Variants in EEF1E1 observed in about 807,000 individuals in gnomAD.
EEF1E1 encodes eukaryotic translation elongation factor 1 epsilon 1.
A neutral mutation model predicts 19.9 loss-of-function variants in EEF1E1; 19 were observed. That is an observed-to-expected ratio of 0.95 (90% CI 0.66 to 1.40). The LOEUF (loss-of-function observed/expected upper bound fraction) is 1.40, where lower values mean the gene tolerates loss of function less well. Among genes scored for constraint, EEF1E1 ranks in the 40% most tolerant of loss-of-function variants. The probability of loss-of-function intolerance (pLI) is 0.00; values close to 1 mark genes in which losing one functional copy is unlikely to be tolerated. For missense variants in EEF1E1, 198 were observed against 202.2 expected (o/e 0.98, Z 0.13); for synonymous variants, 81 against 80.0 (o/e 1.01, Z -0.07).
chr6:8,092,716 G>T (rs1489910217), intron 2 of EEF1E1, among the ~76,000 whole-genome samples: 2 of 152,080 alleles, frequency 1.3e-5, no homozygotes, highest in Non-Finnish European at 2.9e-5. Flanking sequence ...GAAAGTACAA[G>T]AAATAAAATA....
At chr6:8,080,315 G>A (rs930263972) in intron 3 of EEF1E1, among the ~76,000 whole-genome samples, 9 of 152,146 alleles carry the variant, frequency 5.9e-5, no homozygotes, top group African/African-American at 2.2e-4. Flanking sequence ...AGGATTTGGA[G>A]GTCAAATAAT....
rs1757971235 is a variant in EEF1E1 at position 8,089,978 on chromosome 6, T to C, written c.384+208A>G. ...CTGATTTAAATTCAAGACAAAGTTT[T>C]TTTAAATTTTATTATTATTATACTT... is the stretch of plus-strand genomic sequence containing the variant. On this transcript the variant is annotated intron_variant, in intron 3 of 3. Transcript: ENST00000379715. 7.5e-6 allele frequency: 3 copies of C among 402,416 alleles called. No individual in the cohort carries two copies. The East Asian group carries it at 1.1e-4, about 14-fold the overall frequency. The allele number at this position is 402,416 out of a possible 1,614,324, so 24.9% of individuals were successfully genotyped here.
chr6:8,075,578 C>T (rs932367111), downstream of EEF1E1, among the ~76,000 whole-genome samples: 1 of 151,976 alleles, frequency 6.6e-6, no homozygotes, highest in Admixed American at 6.6e-5. Context: ...TTGCTAAAAA[C>T]AGCATTAATG....
chr6:8,080,066 G>A, intron 3 of EEF1E1, 36 bp from the exon 4 acceptor site: 3 of 1,605,622 alleles, frequency 1.9e-6, no homozygotes, highest in Non-Finnish European at 2.6e-6. Flanking sequence ...ACACAACACA[G>A]ATGTTACATA....
intron 3 of EEF1E1, 55 bp downstream of exon 3, chr6:8,090,131 T>C: frequency 7.1e-7 from 1 of 1,399,116 alleles, no homozygotes; most frequent in Non-Finnish European, 9.6e-7. Flanking sequence ...GACAAAGTTT[T>C]AAAAATCATT....
At chr6:8,099,723 G>A (rs895585370) in intron 1 of EEF1E1, among the ~76,000 whole-genome samples, 1 of 141,994 alleles carries the variant, frequency 7.0e-6, no homozygotes, top group African/African-American at 2.7e-5. Context: ...CTCCAGCCCG[G>A]GCAACAAGAG....
chr6:8,077,537 CT>C (rs879906611), downstream of EEF1E1, among the ~76,000 whole-genome samples: 6 of 152,336 alleles, frequency 3.9e-5, no homozygotes, highest in Admixed American at 3.9e-4. Flanking sequence ...TCACCTTGCA[CT>C]TGTGTTATGG....
At chr6:8,082,528 C>T (rs542235055) in intron 3 of EEF1E1, among the ~76,000 whole-genome samples, 5 of 152,342 alleles carry the variant, frequency 3.3e-5, no homozygotes, top group Admixed American at 1.3e-4. Context: ...ATCCACCAGC[C>T]TCGGTCTCCC....
At chr6:8,085,117 A>C (rs1757816389) in intron 3 of EEF1E1, among the ~76,000 whole-genome samples, 1 of 152,180 alleles carries the variant, frequency 6.6e-6, no homozygotes, top group Non-Finnish European at 1.5e-5. Flanking sequence ...CTGAAATAGG[A>C]ACTATAAATA....
In EEF1E1 at chr6:8,097,142, T is replaced by C. The variant is rs530546397; in HGVS notation, c.288+125A>G. The C allele has an allele frequency of 2.2e-4, 202 of 923,562 alleles. No homozygotes were observed. In the Middle Eastern group the frequency reaches 8.4e-3, roughly 39 times the overall value. The allele number at this position is 923,562 out of a possible 1,614,324, so 57.2% of individuals were successfully genotyped here. Reference sequence around the variant, plus strand: ...TGTTCCAGGCAGAGGGAATAACAGATGCAAACTACTGAGGCAGAAGGAAAG... The same window carrying C: ...TGTTCCAGGCAGAGGGAATAACAGACGCAAACTACTGAGGCAGAAGGAAAG... On this transcript the variant is annotated intron_variant, in intron 2 of 3. Coordinates refer to ENST00000379715, the MANE Select transcript of EEF1E1 (RefSeq NM_004280.5).
At chr6:8,094,049 T>G (rs1243654124) in intron 2 of EEF1E1, among the ~76,000 whole-genome samples, 1 of 152,084 alleles carries the variant, frequency 6.6e-6, no homozygotes, top group African/African-American at 2.4e-5. Context: ...TCTGCCTGCC[T>G]CGGCCTTCCA....
At chr6:8,076,800 A>C (rs61475434), downstream of EEF1E1, among the ~76,000 whole-genome samples, 41,572 of 152,052 alleles carry the variant, frequency 0.27, 6,244 homozygotes, top group East Asian at 0.43. Context: ...ATATTTTGAA[A>C]GGAGGCTTTT....
intron 1 of EEF1E1, among the ~76,000 whole-genome samples, chr6:8,098,550 C>A (rs973679968): frequency 1.3e-5 from 2 of 152,208 alleles, no homozygotes; most frequent in African/African-American, 2.4e-5. Flanking sequence ...AAGGAGGTAA[C>A]TTCAAAGTAA....
At chr6:8,090,138 C>A in intron 3 of EEF1E1, 48 bp downstream of exon 3, 4 of 1,412,990 alleles carry the variant, frequency 2.8e-6, no homozygotes, top group African/African-American at 1.5e-5. Flanking sequence ...TTTTAAAAAT[C>A]ATTCTCAACA....
At position 8,092,868 on chromosome 6, in the gene EEF1E1, G is replaced by GTTGTTTTTTTTTTTTTTTTTT. The variant is rs1554099258; in HGVS notation, c.289-2588_289-2587insAAAAAAAAAAAAAAAAAACAA. On this transcript the variant is annotated intron_variant, in intron 2 of 3. Coordinates refer to ENST00000379715, the MANE Select transcript of EEF1E1 (RefSeq NM_004280.5). ...GTTTTGTGTTTTAGTGATAAAGACT[G>GTTGTTTTTTTTTTTTTTTTTT]CTTTTTTTTTTTTTTTTTTTTTTTG... Among the ~76,000 whole-genome samples the GTTGTTTTTTTTTTTTTTTTTT allele has an allele frequency of 4.6e-5, 5 of 108,202 alleles. 1 individual carries two copies. Among genetic ancestry groups the GTTGTTTTTTTTTTTTTTTTTT allele is most frequent in the Non-Finnish European group, 5.6e-5 (3 of 53,752 alleles). 71.0% of individuals were successfully genotyped at this position (108,202 alleles called of 152,430 possible).
intron 3 of EEF1E1, among the ~76,000 whole-genome samples, chr6:8,087,815 A>G (rs955887606): frequency 1.3e-5 from 2 of 152,172 alleles, no homozygotes; most frequent in African/African-American, 4.8e-5. Context: ...CACATGTGAG[A>G]GGCATTTAGG....
intron 3 of EEF1E1, among the ~76,000 whole-genome samples, chr6:8,083,665 A>T (rs942435095): frequency 2.6e-5 from 4 of 152,246 alleles, no homozygotes; most frequent in Non-Finnish European, 4.4e-5. Flanking sequence ...AACAAAATAC[A>T]GTGGAATTAT....
At chr6:8,093,208 T>G in intron 2 of EEF1E1, among the ~76,000 whole-genome samples, 1 of 152,148 alleles carries the variant, frequency 6.6e-6, no homozygotes, top group East Asian at 1.9e-4. Context: ...AAACTATGAT[T>G]AGGTAATATT....
downstream of EEF1E1, among the ~76,000 whole-genome samples, chr6:8,076,524 C>T (rs554768747): frequency 7.6e-4 from 116 of 151,974 alleles, no homozygotes; most frequent in South Asian, 3.7e-3. Flanking sequence ...GGGGTTTCAC[C>T]GTGTTAGCCA....
Sources: gnomAD v4.1 joint callset for allele counts (sites outside exome capture counted in the v4.1 genomes callset) on GRCh38, gnomAD v4.1.1 for gene constraint, MANE v1.5 for transcripts, NCBI Gene and HGNC (gene_info 2026-07-23, HGNC 2026-07-21) for gene names.